The following MLLT10 variants were observed in gnomAD, a reference collection of about 807,000 sequenced individuals.
MLLT10 encodes the protein protein AF-10.
A neutral mutation model predicts 129.1 loss-of-function variants in MLLT10; 30 were observed. The ratio of observed to expected loss-of-function variants is 0.23; its 90% CI spans 0.17 to 0.32. MLLT10 has a LOEUF of 0.32. Ranked by LOEUF, MLLT10 falls within the 10% of genes least tolerant of loss-of-function variation. MLLT10 has a pLI of 1.00. For synonymous variants in MLLT10, 490 were observed against 446.4 expected, an observed-to-expected ratio of 1.10 and a Z score of -1.23; for missense variants, 1,119 against 1,268.3, an observed-to-expected ratio of 0.88 and a Z score of 1.79.
chr10:21,586,105 C>T (rs2041956878), intron 3 of MLLT10, among the ~76,000 whole-genome samples, 189 bp from the exon 4 acceptor site: 2 of 152,160 alleles, frequency 1.3e-5, no homozygotes, highest in South Asian at 4.1e-4. Flanking sequence ...AAAAAAATTA[C>T]TTGTCCTCTG....
At chr10:21,737,470 G>A (rs1430081445) in intron 21 of MLLT10, among the ~76,000 whole-genome samples, 3 of 152,146 alleles carry the variant, frequency 2.0e-5, no homozygotes, top group African/African-American at 7.2e-5. Flanking sequence ...TGCTAGCAGA[G>A]GAGGAGATGA....
chr10:21,620,377 C>T (rs752366298), intron 8 of MLLT10, among the ~76,000 whole-genome samples: 5 of 152,132 alleles, frequency 3.3e-5, no homozygotes, highest in African/African-American at 9.7e-5. Context: ...GTTTGAATTA[C>T]GATTTTTAGA....
In MLLT10 at chr10:21,609,109, T is replaced by C. The variant is rs182356736; in HGVS notation, c.406-3239T>C. Among the ~76,000 whole-genome samples the C allele has an allele frequency of 3.7e-3, 567 of 152,302 alleles. 7 individuals are homozygous for C. Among genetic ancestry groups the C allele is most frequent in the African/African-American group, 0.013 (545 of 41,554 alleles). On this transcript the variant is annotated intron_variant, in intron 5 of 22. Transcript: ENST00000307729. ...CCTCAGATGGCCCTGCTCTAACAAA[T>C]GTAGGACCCACCTTCCCTCCACCAG...
intron 21 of MLLT10, among the ~76,000 whole-genome samples, chr10:21,739,289 C>G (rs74874924): frequency 2.4e-3 from 361 of 152,342 alleles, no homozygotes; most frequent in Admixed American, 6.5e-3. Flanking sequence ...TGGGCCTGCT[C>G]CTCTGGAGGC....
intron 13 of MLLT10, among the ~76,000 whole-genome samples, chr10:21,699,892 G>GT (rs1405672239): frequency 1.3e-5 from 2 of 152,006 alleles, no homozygotes; most frequent in Non-Finnish European, 2.9e-5. Flanking sequence ...TGTTAGAATT[G>GT]TTTTTTCTAT....
At chr10:21,732,814 A>C (rs1403231093) in intron 17 of MLLT10, 85 bp from the exon 18 acceptor site, 1 of 1,074,828 alleles carries the variant, frequency 9.3e-7, no homozygotes, top group Non-Finnish European at 1.3e-6. Context: ...ATTTTAACTT[A>C]TTTCTAAGGT....
chr10:21,724,922 C>T (rs1014921377), intron 14 of MLLT10, among the ~76,000 whole-genome samples: 4 of 152,294 alleles, frequency 2.6e-5, no homozygotes, highest in African/African-American at 7.2e-5. Flanking sequence ...AAACTTTGGA[C>T]GAGCTCTTCA....
chr10:21,595,291 G>A (rs763518036), intron 4 of MLLT10, 40 bp from the exon 5 acceptor site: 5 of 1,530,782 alleles, frequency 3.3e-6, no homozygotes, highest in Non-Finnish European at 3.6e-6. Flanking sequence ...ATTTGCTTTC[G>A]ATAAAACTGA....
intron 22 of MLLT10, among the ~76,000 whole-genome samples, chr10:21,740,675 T>C (rs974415625): frequency 2.0e-5 from 3 of 152,190 alleles, no homozygotes; most frequent in African/African-American, 4.8e-5. Flanking sequence ...TTCTACCAGA[T>C]TAGAGGGAGT....
At chr10:21,652,409 T>C (rs2049134431) in intron 9 of MLLT10, among the ~76,000 whole-genome samples, 2 of 152,208 alleles carry the variant, frequency 1.3e-5, no homozygotes, top group African/African-American at 4.8e-5. Flanking sequence ...TTAACCTTGG[T>C]TAACTCAATT....
intron 14 of MLLT10, among the ~76,000 whole-genome samples, chr10:21,718,522 CAT>C (rs1032337027): frequency 2.0e-5 from 3 of 152,058 alleles, no homozygotes; most frequent in African/African-American, 7.2e-5. Context: ...TGCAATGAAA[CAT>C]AATTGCATTC....
intron 3 of MLLT10, among the ~76,000 whole-genome samples, chr10:21,576,918 A>T (rs150758481): frequency 0.015 from 2,283 of 152,340 alleles, 47 homozygotes; most frequent in African/African-American, 0.051. Flanking sequence ...GGCGTGGGCC[A>T]CTGCGCCCGG....
chr10:21,661,972 G>T (rs1413908833), intron 9 of MLLT10, among the ~76,000 whole-genome samples: 3 of 151,200 alleles, frequency 2.0e-5, no homozygotes, highest in African/African-American at 7.3e-5. Context: ...AGCTTTTGTG[G>T]TTTTTATTGA....
intron 11 of MLLT10, among the ~76,000 whole-genome samples, chr10:21,678,870 G>C (rs2052458612): frequency 6.6e-6 from 1 of 152,100 alleles, no homozygotes; most frequent in Non-Finnish European, 1.5e-5. Flanking sequence ...TTGTGAAATA[G>C]GACAGCTCCT....
At chr10:21,657,828 T>G (rs1310100491) in intron 9 of MLLT10, among the ~76,000 whole-genome samples, 1 of 152,174 alleles carries the variant, frequency 6.6e-6, no homozygotes, top group Non-Finnish European at 1.5e-5. Flanking sequence ...TACTGATTTT[T>G]AAGACTTTCA....
chr10:21,630,657 A>G (rs560833131), intron 8 of MLLT10, among the ~76,000 whole-genome samples: 4 of 152,210 alleles, frequency 2.6e-5, no homozygotes, highest in Non-Finnish European at 5.9e-5. Context: ...ACTTAGGCAA[A>G]TGCTAACAGT....
At chr10:21,707,593 T>G (rs1186577093) in intron 13 of MLLT10, among the ~76,000 whole-genome samples, 14 of 152,222 alleles carry the variant, frequency 9.2e-5, no homozygotes, top group Non-Finnish European at 1.8e-4. Flanking sequence ...ATCCAGATTG[T>G]GAAATAGCCT....
intron 3 of MLLT10, among the ~76,000 whole-genome samples, chr10:21,565,540 C>T (rs1225875872): frequency 6.6e-6 from 1 of 151,188 alleles, no homozygotes; most frequent in Non-Finnish European, 1.5e-5. Flanking sequence ...AGCTGTTGAC[C>T]TCGTGATTTG....
At chr10:21,690,975 T>A (rs2053793435) in intron 13 of MLLT10, among the ~76,000 whole-genome samples, 1 of 152,148 alleles carries the variant, frequency 6.6e-6, no homozygotes, top group Admixed American at 6.5e-5. Flanking sequence ...GGGAAGAATG[T>A]CATTTAATCA....
Sources: allele counts gnomAD v4.1 joint callset (sites outside exome capture counted in the v4.1 genomes callset), GRCh38; gene constraint gnomAD v4.1.1; transcripts MANE v1.5; gene names NCBI Gene and HGNC (gene_info 2026-07-23, HGNC 2026-07-21).